Variants in ZNF341 observed in about 807,000 individuals in gnomAD.
The protein encoded by ZNF341 is zinc finger protein 341.
In ZNF341, 52 loss-of-function variants were observed where a neutral mutation model predicts 87.7. That is an observed-to-expected ratio of 0.59 (90% CI 0.47 to 0.75). The LOEUF is 0.75. ZNF341 is among the 30% of genes least tolerant of loss of function. The pLI, the probability that ZNF341 is intolerant of heterozygous loss-of-function variation, is 0.00. For synonymous variants in ZNF341, 459 were observed against 472.7 expected, an observed-to-expected ratio of 0.97 and a Z score of 0.38; for missense variants, 977 against 1,145.9, an observed-to-expected ratio of 0.85 and a Z score of 2.13.
chr20:33,732,094 G>A lies in ZNF341; in HGVS notation c.31+42G>A. 2 of 1,204,352 alleles carry A rather than the reference G, an allele frequency of 1.7e-6. No homozygotes were observed. The highest frequency in any genetic ancestry group is 2.1e-6 in the Non-Finnish European group (2 of 967,946). 74.6% of individuals were successfully genotyped at this position (1,204,352 alleles called of 1,614,324 possible). A position where few individuals can be genotyped will look rare whatever the true frequency, so the allele number is the denominator to read the frequency against. Reference sequence around the variant, plus strand: ...CCGGCGGAGGCGGCTGTTCCGCGCTGCGCCCCCTCCCGCCGCGCCCTCGCA... The same window carrying A: ...CCGGCGGAGGCGGCTGTTCCGCGCTACGCCCCCTCCCGCCGCGCCCTCGCA... On this transcript the variant is annotated intron_variant, in intron 1 of 14. Transcript: ENST00000375200. This position sits in a 1 kb window ranked among gnomAD's most constrained non-coding sequence, Gnocchi z 4.5.
At chr20:33,776,904 C>T (rs2019637800) in intron 10 of ZNF341, among the ~76,000 whole-genome samples, 1 of 152,116 alleles carries the variant, frequency 6.6e-6, no homozygotes, top group Non-Finnish European at 1.5e-5. Flanking sequence ...AAGTGATCCT[C>T]CTGCCTGGCC....
chr20:33,765,935 T>A (rs548930474), intron 8 of ZNF341, among the ~76,000 whole-genome samples: 1 of 152,274 alleles, frequency 6.6e-6, no homozygotes, highest in Non-Finnish European at 1.5e-5. Flanking sequence ...CAGGCTGGAG[T>A]GCAATGGCGC....
Position 33,745,173 on chromosome 20 carries a change from C to T in ZNF341, c.213C>T (p.His71=). The T allele has an allele frequency of 1.2e-6, 2 of 1,614,202 alleles. No individual in the cohort carries two copies. The highest frequency in any genetic ancestry group is 1.1e-5 in the South Asian group (1 of 91,090). ...ACTCGCTGCCAGCGTTTATGACCCA[C>T]AAGCGGGAACAGTGCCAGGGGAATG... The part of the protein sequence containing the change: ...QFNSLPAFMT[H]KREQCQGNAP... The change falls in exon 3 of 15, where the codon CAC becomes CAT. Residue 71 remains histidine, a synonymous_variant. Coordinates refer to ENST00000375200, the MANE Select transcript of ZNF341 (RefSeq NM_001282933.2).
chr20:33,744,607 T>A (rs938715282), intron 2 of ZNF341, among the ~76,000 whole-genome samples: 1 of 152,184 alleles, frequency 6.6e-6, no homozygotes, highest in Non-Finnish European at 1.5e-5. Context: ...TTTTCTTTTT[T>A]TTGAGATGGA....
chr20:33,753,306 G>A lies in ZNF341; in HGVS notation c.624G>A (p.Gly208=). 1 of 1,611,912 alleles carries A rather than the reference G, an allele frequency of 6.2e-7. No homozygotes were observed. The highest frequency in any genetic ancestry group is 8.5e-7 in the Non-Finnish European group (1 of 1,179,186). The change falls in exon 5 of 15, where the codon GGG becomes GGA. Residue 208 remains glycine (G), a synonymous_variant. Coordinates refer to ENST00000375200, the MANE Select transcript of ZNF341 (RefSeq NM_001282933.2). ...PPPPQSLGPP[G]RPNPGGNGVV... The stretch of plus-strand genomic sequence containing the variant: ...CACCCCAGAGCCTGGGCCCCCCTGG[G>A]CGTCCCAACCCTGGTGGGAACGGTG...
chr20:33,759,959 C>T (rs2019258328), intron 7 of ZNF341, among the ~76,000 whole-genome samples: 1 of 152,204 alleles, frequency 6.6e-6, no homozygotes, highest in East Asian at 1.9e-4. Flanking sequence ...GCATCCCTGG[C>T]CTCTAACTAT....
At chr20:33,747,600 G>A (rs1255191483) in intron 3 of ZNF341, among the ~76,000 whole-genome samples, 47 of 99,978 alleles carry the variant, frequency 4.7e-4, no homozygotes, top group Non-Finnish European at 7.3e-4. Context: ...GGGCGACAGA[G>A]CGAGACTCCG....
At chr20:33,755,442 A>C (rs2019156545) in intron 5 of ZNF341, among the ~76,000 whole-genome samples, 1 of 152,142 alleles carries the variant, frequency 6.6e-6, no homozygotes, top group South Asian at 2.1e-4. Context: ...GATTACAGGC[A>C]TGAGCCACCA....
At position 33,788,987 on chromosome 20, in the gene ZNF341, T is replaced by G; in HGVS notation, c.1964+13T>G. ...AATGCCCTTTCTCGTGAGTAGAGAC[T>G]GCCATGCAGGGGGGTGGGTAGCGGG... On this transcript the variant is annotated intron_variant, in intron 13 of 14. Transcript: ENST00000375200. The G allele has an allele frequency of 6.3e-7, 1 of 1,593,082 alleles. No individual in the cohort carries two copies. The highest frequency in any genetic ancestry group is 8.6e-7 in the Non-Finnish European group (1 of 1,164,780).
intron 10 of ZNF341, among the ~76,000 whole-genome samples, chr20:33,777,912 A>C (rs969404654): frequency 1.3e-5 from 2 of 152,152 alleles, no homozygotes; most frequent in Admixed American, 6.6e-5. Flanking sequence ...TATTCTGTAG[A>C]ATGTCCTCAG....
chr20:33,742,444 C>G (rs2018821372), intron 2 of ZNF341, among the ~76,000 whole-genome samples: 1 of 152,148 alleles, frequency 6.6e-6, no homozygotes, highest in East Asian at 1.9e-4. Flanking sequence ...GATCACCCGC[C>G]TCGGCCTCCC....
chr20:33,734,087 A>G lies in ZNF341; in HGVS notation c.31+2035A>G, dbSNP rs528507985. ...GAGTAATGAAGACAGTTAAAGAGAA[A>G]TCAGTTCCTAGGACAGTGGGATGCA... On this transcript the variant is annotated intron_variant, in intron 1 of 14. Transcript: ENST00000375200. Among the ~76,000 whole-genome samples the G allele has an allele frequency of 6.4e-4, 98 of 152,354 alleles. 1 individual carries two copies. The highest frequency in any genetic ancestry group is 2.2e-3 in the African/African-American group (91 of 41,582).
chr20:33,790,032 G>T (rs184377905), intron 14 of ZNF341, among the ~76,000 whole-genome samples: 17 of 151,868 alleles, frequency 1.1e-4, no homozygotes, highest in African/African-American at 3.9e-4. Context: ...CTAAAACAAG[G>T]TTCTTCAACC....
intron 12 of ZNF341, among the ~76,000 whole-genome samples, chr20:33,786,011 T>C (rs1317114170): frequency 6.8e-6 from 1 of 147,696 alleles, no homozygotes; most frequent in East Asian, 2.0e-4. Flanking sequence ...ATTTAGCCAG[T>C]TCTCTATGTA....
At chr20:33,764,768 A>T (rs923564038) in intron 8 of ZNF341, among the ~76,000 whole-genome samples, 1 of 151,270 alleles carries the variant, frequency 6.6e-6, no homozygotes, top group Non-Finnish European at 1.5e-5. Flanking sequence ...TCCAGCAGGT[A>T]TATACACTTA....
intron 10 of ZNF341, 26 bp downstream of exon 10, chr20:33,770,318 C>CG: frequency 3.9e-6 from 2 of 516,046 alleles, no homozygotes; most frequent in South Asian, 1.4e-5. Context: ...TTCCCTCTCC[C>CG]TGGGTGGACG....
chr20:33,735,878 A>G (rs1474226429), intron 1 of ZNF341, among the ~76,000 whole-genome samples: 2 of 152,042 alleles, frequency 1.3e-5, no homozygotes, highest in Admixed American at 6.6e-5. Flanking sequence ...ATCTGTCTCC[A>G]TTTGTAAAAT....
At position 33,783,878 on chromosome 20, in the gene ZNF341, C is replaced by A; in HGVS notation, c.1852+14C>A. 1 of 1,610,140 alleles carries A rather than the reference C, an allele frequency of 6.2e-7. No homozygotes were observed. Among genetic ancestry groups the A allele is most frequent in the Non-Finnish European group, 8.5e-7 (1 of 1,177,832 alleles). ...ACATCCACTCGGGTAGGTACCCTGC[C>A]CCTGAGAACTCCAGCCCAGCCCCTC... is the stretch of plus-strand genomic sequence containing the variant. On this transcript the variant is annotated intron_variant, in intron 12 of 14. Transcript: ENST00000375200.
intron 12 of ZNF341, among the ~76,000 whole-genome samples, chr20:33,786,436 T>C (rs1405411526): frequency 1.3e-5 from 2 of 152,190 alleles, no homozygotes; most frequent in African/African-American, 4.8e-5. Context: ...TTAAAATGCA[T>C]GTGTAATACT....
Sources: allele counts gnomAD v4.1 joint callset (sites outside exome capture counted in the v4.1 genomes callset), GRCh38; gene constraint gnomAD v4.1.1; non-coding constraint Gnocchi (gnomAD v3.1); transcripts MANE v1.5; gene names NCBI Gene and HGNC (gene_info 2026-07-23, HGNC 2026-07-21).